DLG2: variants seen among roughly 807,000 people sequenced by gnomAD.
DLG2 encodes the protein discs large MAGUK scaffold protein 2.
In DLG2, 45 loss-of-function variants were observed where a neutral mutation model predicts 132.5. The observed-to-expected ratio is 0.34, with a 90% CI of 0.27 to 0.44. DLG2 has a LOEUF of 0.44. Among genes scored for constraint, DLG2 ranks in the 20% least tolerant of loss-of-function variants. DLG2 has a pLI of 1.00. For synonymous variants in DLG2, 424 were observed against 419.6 expected (o/e 1.01, Z -0.13); for missense variants, 1,045 against 1,196.9 (o/e 0.87, Z 1.87).
chr11:84,311,261 G>T (rs1452734788), intron 7 of DLG2, among the ~76,000 whole-genome samples: 1 of 151,934 alleles, frequency 6.6e-6, no homozygotes, highest in African/African-American at 2.4e-5. Context: ...TGAATTTCCT[G>T]GACAGTAAGT....
intron 6 of DLG2, among the ~76,000 whole-genome samples, chr11:84,783,682 T>C (rs2072255996): frequency 6.6e-6 from 1 of 152,180 alleles, no homozygotes; most frequent in Non-Finnish European, 1.5e-5. Context: ...AGGTAATTAC[T>C]ATTCCTACTC....
At chr11:84,600,785 G>A (rs891407813) in intron 6 of DLG2, among the ~76,000 whole-genome samples, 3 of 152,040 alleles carry the variant, frequency 2.0e-5, no homozygotes, top group African/African-American at 7.2e-5. Context: ...GTATACCAAA[G>A]AAATCTGCGA....
At chr11:85,393,838 A>G (rs953292503) in intron 3 of DLG2, among the ~76,000 whole-genome samples, 1 of 152,144 alleles carries the variant, frequency 6.6e-6, no homozygotes. Context: ...GTTCTCACTC[A>G]TAAATGGAAG....
intron 2 of DLG2, 38 bp from the exon 3 acceptor site, chr11:85,598,826 T>C: frequency 1.9e-6 from 1 of 537,362 alleles, no homozygotes; most frequent in Admixed American, 4.3e-5. Flanking sequence ...TTTATGGTCT[T>C]AGCAAAATAG....
At chr11:85,138,348 AT>A (rs1371923059) in intron 5 of DLG2, among the ~76,000 whole-genome samples, 1 of 152,296 alleles carries the variant, frequency 6.6e-6, no homozygotes. Flanking sequence ...CATTAACTAC[AT>A]TTCTTATGAG....
chr11:83,465,426 C>T (rs189076441), intron 26 of DLG2, among the ~76,000 whole-genome samples: 10 of 152,232 alleles, frequency 6.6e-5, no homozygotes, highest in South Asian at 2.1e-4. Flanking sequence ...TCTGTTTCTT[C>T]GGTCCTTCCA....
chr11:83,784,345 T>C (rs1033237169), intron 18 of DLG2, among the ~76,000 whole-genome samples: 2 of 152,196 alleles, frequency 1.3e-5, no homozygotes, highest in Non-Finnish European at 2.9e-5. Context: ...AAAACTGCAG[T>C]TAAATTAAGG....
chr11:84,571,125 G>T (rs897820874), intron 6 of DLG2, among the ~76,000 whole-genome samples: 2 of 152,018 alleles, frequency 1.3e-5, no homozygotes, highest in Non-Finnish European at 2.9e-5. Flanking sequence ...AAGAAAGGAG[G>T]TACCCTGTTT....
At chr11:84,401,792 C>G (rs1178511430) in intron 7 of DLG2, among the ~76,000 whole-genome samples, 2 of 152,172 alleles carry the variant, frequency 1.3e-5, no homozygotes, top group South Asian at 2.1e-4. Flanking sequence ...ATGCCATTCT[C>G]TTGCCTCAGC....
intron 18 of DLG2, among the ~76,000 whole-genome samples, chr11:83,736,622 G>T (rs1042314732): frequency 6.6e-6 from 1 of 152,086 alleles, no homozygotes; most frequent in African/African-American, 2.4e-5. Flanking sequence ...CCTAGCAACA[G>T]AAATCAACTG....
At chr11:84,548,524 A>G (rs1464888264) in intron 6 of DLG2, among the ~76,000 whole-genome samples, 1 of 150,438 alleles carries the variant, frequency 6.6e-6, no homozygotes, top group Non-Finnish European at 1.5e-5. Context: ...GAGTAAGAAC[A>G]TGCGGTGTTT....
chr11:84,948,465 G>A (rs546901229), intron 6 of DLG2, among the ~76,000 whole-genome samples: 12 of 152,352 alleles, frequency 7.9e-5, no homozygotes, highest in South Asian at 4.1e-4. Flanking sequence ...ACTGGAATGA[G>A]TCAACTGAAA....
chr11:83,692,903 C>T (rs1440300705), intron 18 of DLG2: 1 of 152,096 alleles, frequency 6.6e-6, no homozygotes, highest in South Asian at 2.1e-4. Context: ...CCCTCACAAG[C>T]CTTCATGTTA....
chr11:84,908,845 C>T (rs1023247251), intron 6 of DLG2, among the ~76,000 whole-genome samples: 1 of 150,656 alleles, frequency 6.6e-6, no homozygotes, highest in Non-Finnish European at 1.5e-5. Flanking sequence ...TATATGCTTT[C>T]AACATATAAG....
At chr11:85,105,393 G>C (rs1251027008) in intron 6 of DLG2, among the ~76,000 whole-genome samples, 1 of 151,910 alleles carries the variant, frequency 6.6e-6, no homozygotes, top group Non-Finnish European at 1.5e-5. Context: ...CCAGAGCTTA[G>C]GGAAAAGAGC....
At chr11:85,287,198 A>G (rs890717413) in intron 3 of DLG2, among the ~76,000 whole-genome samples, 16 of 152,118 alleles carry the variant, frequency 1.1e-4, no homozygotes, top group Non-Finnish European at 1.8e-4. Context: ...AATTATGCAT[A>G]AAATATATAT....
intron 4 of DLG2, among the ~76,000 whole-genome samples, chr11:85,178,858 G>T (rs2079503299): frequency 6.6e-6 from 1 of 151,886 alleles, no homozygotes. Context: ...CTGTACAAAA[G>T]CATGAAGAAT....
chr11:84,315,699 A>G (rs1567267916), intron 7 of DLG2, among the ~76,000 whole-genome samples: 1 of 152,160 alleles, frequency 6.6e-6, no homozygotes, highest in Non-Finnish European at 1.5e-5. Flanking sequence ...GAGATGCTCT[A>G]TCTCTCTAAG....
At chr11:84,399,941 G>A (rs1027685906) in intron 7 of DLG2, among the ~76,000 whole-genome samples, 3 of 152,102 alleles carry the variant, frequency 2.0e-5, no homozygotes, top group Non-Finnish European at 4.4e-5. Context: ...TCAATATATC[G>A]ACTGCTAGAA....
Sources: gnomAD v4.1 joint callset for allele counts (sites outside exome capture counted in the v4.1 genomes callset) on GRCh38, gnomAD v4.1.1 for gene constraint, MANE v1.5 for transcripts, NCBI Gene and HGNC (gene_info 2026-07-23, HGNC 2026-07-21) for gene names.